UTRN: variants seen among roughly 807,000 people sequenced by gnomAD.
UTRN encodes the protein dystrophin-related protein 1.
Under a neutral mutation model 463.9 loss-of-function variants are expected in UTRN, and 283 were observed. The observed-to-expected ratio is 0.61, with a 90% confidence interval of 0.55 to 0.67. UTRN has a LOEUF of 0.67. Among genes scored for constraint, UTRN ranks in the 30% least tolerant of loss-of-function variants. The pLI is 0.00. For missense variants in UTRN, 3,922 were observed against 4,084.3 expected, an observed-to-expected ratio of 0.96 and a Z score of 1.08; for synonymous variants, 1,442 against 1,431.5, an observed-to-expected ratio of 1.01 and a Z score of -0.17.
At chr6:144,618,458 A>G (rs1173707411) in intron 51 of UTRN, among the ~76,000 whole-genome samples, 2 of 152,182 alleles carry the variant, frequency 1.3e-5, no homozygotes, top group Non-Finnish European at 2.9e-5. Context: ...TCTTCCATGT[A>G]TTAACTAGGC....
intron 51 of UTRN, among the ~76,000 whole-genome samples, chr6:144,677,112 A>T (rs927242509): frequency 2.0e-5 from 3 of 152,248 alleles, no homozygotes; most frequent in Admixed American, 6.5e-5. Context: ...CTTTTAAAAA[A>T]TTTCAATTTA....
At chr6:144,698,081 T>TA (rs1249334534) in intron 52 of UTRN, among the ~76,000 whole-genome samples, 1 of 152,164 alleles carries the variant, frequency 6.6e-6, no homozygotes, top group Non-Finnish European at 1.5e-5. Flanking sequence ...TGGAAAGAAA[T>TA]TGCAGTAGCT....
At chr6:144,406,146 G>A (rs1004830333) in intron 3 of UTRN, among the ~76,000 whole-genome samples, 5 of 152,074 alleles carry the variant, frequency 3.3e-5, no homozygotes, top group African/African-American at 1.2e-4. Context: ...ATTTTCCCCT[G>A]AACTGGTTGT....
In UTRN at chr6:144,421,935, T is replaced by C. The variant is rs759374554; in HGVS notation, c.199T>C (p.Leu67=). ...FTDLKDGRKL[L]DLLEGLTGTS... ...AGACCTCAAAGATGGAAGGAAGCTA[T>C]TGGATCTTCTAGAAGGCCTCACAGG... Residue 67 remains leucine (L), a synonymous_variant, in exon 4 of 75, where the codon TTG becomes CTG. Transcript: ENST00000367545. The C allele has an allele frequency of 5.6e-6, 9 of 1,612,988 alleles. No individual in the cohort carries two copies. Among genetic ancestry groups the C allele is most frequent in the South Asian group, 5.5e-5 (5 of 90,894 alleles).
intron 2 of UTRN, among the ~76,000 whole-genome samples, chr6:144,351,240 T>C (rs1008878125): frequency 6.6e-6 from 1 of 152,166 alleles, no homozygotes; most frequent in Non-Finnish European, 1.5e-5. Context: ...ATAAATGGTG[T>C]CTGTTTGTGT....
At chr6:144,542,939 C>T in intron 46 of UTRN, 69 bp downstream of exon 46, 1 of 1,309,306 alleles carries the variant, frequency 7.6e-7, no homozygotes. Flanking sequence ...ATATGAGCCT[C>T]ATACATGAAT....
Position 144,503,174 on chromosome 6 carries a change from G to A in UTRN, c.4764+3747G>A, listed in dbSNP as rs376737135. 1.2e-4 allele frequency among the ~76,000 whole-genome samples: 18 copies of A among 150,674 alleles called. No individual in the cohort carries two copies. The South Asian group carries it at 1.3e-3, about 11-fold the overall frequency. The stretch of plus-strand genomic sequence containing the variant: ...TAGCCCTTTGTCAGATGGATAGATT[G>A]CAAAAACTTTCTCCCAGTCTCTAGG... On this transcript the variant is annotated intron_variant, in intron 34 of 74. Coordinates refer to ENST00000367545, the MANE Select transcript of UTRN (RefSeq NM_007124.3).
intron 2 of UTRN, among the ~76,000 whole-genome samples, chr6:144,297,905 C>A (rs1195037593): frequency 6.6e-6 from 1 of 152,128 alleles, no homozygotes; most frequent in Non-Finnish European, 1.5e-5. Context: ...AAAGGAAGTA[C>A]GTTAATTATA....
intron 2 of UTRN, among the ~76,000 whole-genome samples, chr6:144,390,742 C>T (rs957417388): frequency 3.3e-5 from 5 of 152,154 alleles, no homozygotes; most frequent in South Asian, 4.1e-4. Context: ...CAAATCTTTC[C>T]GTGATCCCCT....
At chr6:144,815,912 T>C (rs1376895758) in intron 65 of UTRN, among the ~76,000 whole-genome samples, 1 of 151,966 alleles carries the variant, frequency 6.6e-6, no homozygotes, top group African/African-American at 2.4e-5. Flanking sequence ...GAAAAATGAA[T>C]GATAGAATGA....
chr6:144,747,528 TGTTCCAGC>T (rs1790895317), intron 54 of UTRN, among the ~76,000 whole-genome samples: 1 of 152,232 alleles, frequency 6.6e-6, no homozygotes, highest in Non-Finnish European at 1.5e-5. Flanking sequence ...TCCTCTGGAC[TGTTCCAGC>T]CCACATCCTG....
In UTRN at chr6:144,317,978, AC is replaced by A. The variant is rs112663182; in HGVS notation, c.79+26073del. Among the ~76,000 whole-genome samples, 690 of 151,564 alleles carry A rather than the reference AC, an allele frequency of 4.6e-3. 5 individuals are homozygous for A. The highest frequency in any genetic ancestry group is 0.015 in the African/African-American group (621 of 41,280). ...AGATGGGATTGTTTTCTTTTGACAA[AC>A]CTCACGACTGTATGTTTCACCATTT... On this transcript the variant is annotated intron_variant, in intron 2 of 74. Transcript: ENST00000367545.
At chr6:144,484,949 C>G (rs1242726815) in intron 27 of UTRN, among the ~76,000 whole-genome samples, 1 of 151,824 alleles carries the variant, frequency 6.6e-6, no homozygotes, top group African/African-American at 2.4e-5. Context: ...GAGTCTTGCT[C>G]TGTTGCCCAG....
At chr6:144,797,761 A>C in intron 63 of UTRN, 63 bp from the exon 64 acceptor site, 1 of 1,528,216 alleles carries the variant, frequency 6.5e-7, no homozygotes. Flanking sequence ...ATGAAGCAAC[A>C]ACACTAGCTA....
rs200075258 is a variant in UTRN, at chr6:144,514,698, C to T, written c.5122C>T (p.Arg1708Cys). Residue 1708 changes from arginine (R) to cysteine (C), a missense_variant, in exon 37 of 75, where the codon CGC becomes TGC. Physicochemically the swap from Arg to Cys is radical, Grantham distance 180 (BLOSUM62 -3). Transcript: ENST00000367545. The part of the protein sequence containing the change: ...DDANLQVENV[R>C]DQALILMNAR... ...TGCCAACCTCCAGGTTGAAAATGTC[C>T]GCGATCAAGCCCTTATTTTGATGAA... The T allele has an allele frequency of 2.7e-5, 44 of 1,614,002 alleles. No homozygotes were observed. The highest frequency in any genetic ancestry group is 5.5e-5 in the South Asian group (5 of 91,094).
chr6:144,803,744 A>G lies in UTRN; in HGVS notation c.9357+597A>G, dbSNP rs1280805515. ...AATTTGGACATATAGTTTATTTTCAATTTTCTGATGTTATAAATAACACTC... is the reference window on the plus strand; with the variant it reads ...AATTTGGACATATAGTTTATTTTCAGTTTTCTGATGTTATAAATAACACTC... On this transcript the variant is annotated intron_variant, in intron 65 of 74. Transcript: ENST00000367545. 2.0e-5 allele frequency among the ~76,000 whole-genome samples: 3 copies of G among 151,972 alleles called. No homozygotes were observed. The East Asian group carries it at 5.8e-4, about 29-fold the overall frequency.
intron 62 of UTRN, 71 bp from the exon 63 acceptor site, chr6:144,793,763 T>G: frequency 6.4e-7 from 1 of 1,550,726 alleles, no homozygotes; most frequent in Non-Finnish European, 8.7e-7. Flanking sequence ...CAGTCCACAT[T>G]ACCAAAGATA....
intron 51 of UTRN, among the ~76,000 whole-genome samples, chr6:144,630,139 G>C (rs905973843): frequency 1.3e-5 from 2 of 152,262 alleles, no homozygotes; most frequent in African/African-American, 4.8e-5. Context: ...AGTGAGCCGA[G>C]ATCTCGCCAC....
chr6:144,637,421 T>C (rs1585710432), intron 51 of UTRN, among the ~76,000 whole-genome samples: 1 of 151,464 alleles, frequency 6.6e-6, no homozygotes, highest in South Asian at 2.1e-4. Context: ...TAGTTTAATA[T>C]AAACTATATA....
Sources: allele counts gnomAD v4.1 joint callset (sites outside exome capture counted in the v4.1 genomes callset), GRCh38; gene constraint gnomAD v4.1.1; transcripts MANE v1.5; gene names NCBI Gene and HGNC (gene_info 2026-07-23, HGNC 2026-07-21).